ILDR2: variants seen among roughly 807,000 people sequenced by gnomAD.
ILDR2 encodes immunoglobulin-like domain-containing receptor 2.
A neutral mutation model predicts 66.8 loss-of-function variants in ILDR2; 25 were observed. The ratio of observed to expected loss-of-function variants is 0.37; its 90% CI spans 0.27 to 0.52. The LOEUF (loss-of-function observed/expected upper bound fraction) is 0.52. Among genes scored for constraint, ILDR2 ranks in the 20% least tolerant of loss-of-function variants. The pLI is 0.88. For synonymous variants in ILDR2, 367 were observed against 357.2 expected, an observed-to-expected ratio of 1.03 and a Z score of -0.31; for missense variants, 827 against 876.8, an observed-to-expected ratio of 0.94 and a Z score of 0.72.
At position 166,917,584 on chromosome 1, in the gene ILDR2, T is replaced by G. The variant is rs1211675070; in HGVS notation, c.*1771A>C. ...CAGGGTGAAAAGCTTTGATAAAAAT[T>G]TGTCAACAATAGTGGAGGCTATGAG... On this transcript the variant is annotated 3_prime_UTR_variant, in exon 10 of 10. Transcript: ENST00000271417. The G allele has an allele frequency of 1.3e-5, 2 of 152,182 alleles. No individual in the cohort carries two copies. The highest frequency in any genetic ancestry group is 4.8e-5 in the African/African-American group (2 of 41,442). The allele number at this position is 152,182 out of a possible 1,614,324, so 9.4% of individuals were successfully genotyped here. A position where few individuals can be genotyped will look rare whatever the true frequency, so the allele number is the denominator to read the frequency against.
chr1:166,901,716 G>C (rs1246841039), intron 2 of ILDR2, among the ~76,000 whole-genome samples: 1 of 152,138 alleles, frequency 6.6e-6, no homozygotes, highest in African/African-American at 2.4e-5. Context: ...GGGCCAGCAG[G>C]GTTTTATTTT....
At chr1:166,969,510 T>C (rs2102027766) in intron 1 of ILDR2, among the ~76,000 whole-genome samples, 1 of 152,366 alleles carries the variant, frequency 6.6e-6, no homozygotes, top group South Asian at 2.1e-4. Context: ...TAGTCCCAGA[T>C]GGGCTCTGAT....
rs1032994052 is a variant in ILDR2, at chr1:166,914,595, T to C, written c.*4760A>G. 38 of 152,230 alleles carry C rather than the reference T, an allele frequency of 2.5e-4. 1 individual carries two copies. Among genetic ancestry groups the C allele is most frequent in the African/African-American group, 8.9e-4 (37 of 41,454 alleles). The allele number at this position is 152,230 out of a possible 1,614,324, so 9.4% of individuals were successfully genotyped here. A position where few individuals can be genotyped will look rare whatever the true frequency, so the allele number is the denominator to read the frequency against. On this transcript the variant is annotated 3_prime_UTR_variant, in exon 10 of 10. Transcript: ENST00000271417. ...ATAAAAATAACACAAATATTATTAG[T>C]ATTAACCTTCTCCCCTTCAAATAGT...
At chr1:166,941,500 A>G (rs955820114) in intron 3 of ILDR2, among the ~76,000 whole-genome samples, 1 of 152,182 alleles carries the variant, frequency 6.6e-6, no homozygotes, top group Admixed American at 6.5e-5. Flanking sequence ...CTCTATAAAA[A>G]TATCTCTCGG....
At chr1:166,960,872 G>A (rs749541628) in intron 1 of ILDR2, among the ~76,000 whole-genome samples, 14 of 152,074 alleles carry the variant, frequency 9.2e-5, no homozygotes, top group East Asian at 3.8e-4. Flanking sequence ...AAATTCTAGC[G>A]CATTAATTTT....
At chr1:166,904,007 G>C (rs908790090), downstream of ILDR2, among the ~76,000 whole-genome samples, 5 of 152,112 alleles carry the variant, frequency 3.3e-5, no homozygotes, top group African/African-American at 1.2e-4. Context: ...GAAATCATTT[G>C]AGTATTTGTG....
At chr1:166,973,535 C>G (rs549408231) in intron 1 of ILDR2, among the ~76,000 whole-genome samples, 2 of 151,192 alleles carry the variant, frequency 1.3e-5, no homozygotes, top group African/African-American at 4.9e-5. Context: ...TTCTCTCACT[C>G]CCTGCAAACC....
intron 1 of ILDR2, 120 bp downstream of exon 1, chr1:166,975,103 C>T (rs1325823868): frequency 8.8e-6 from 7 of 798,586 alleles, no homozygotes; most frequent in Admixed American, 7.5e-5. Flanking sequence ...TCCACCAGAC[C>T]GCTAAGCAGC....
intron 3 of ILDR2, among the ~76,000 whole-genome samples, chr1:166,952,922 T>C (rs571638982): frequency 6.6e-6 from 1 of 152,174 alleles, no homozygotes; most frequent in South Asian, 2.1e-4. Flanking sequence ...GACATCACTT[T>C]TTTCATTTGG....
chr1:166,926,301 A>G (rs920749857), intron 7 of ILDR2, among the ~76,000 whole-genome samples: 3 of 152,050 alleles, frequency 2.0e-5, no homozygotes, highest in Admixed American at 6.5e-5. Flanking sequence ...CCCATGATAC[A>G]TAAGTTGGAA....
At chr1:166,960,668 C>A (rs1359913770) in intron 1 of ILDR2, among the ~76,000 whole-genome samples, 1 of 152,100 alleles carries the variant, frequency 6.6e-6, no homozygotes, top group African/African-American at 2.4e-5. Context: ...CCATACATCA[C>A]CACCAGGCTT....
intron 7 of ILDR2, among the ~76,000 whole-genome samples, chr1:166,924,108 C>T (rs776291955): frequency 6.6e-6 from 1 of 152,130 alleles, no homozygotes; most frequent in Non-Finnish European, 1.5e-5. Context: ...AGGGGCAGAG[C>T]GTTTACCACG....
intron 2 of ILDR2, 142 bp downstream of exon 2, chr1:166,957,627 A>C: frequency 1.4e-6 from 1 of 699,576 alleles, no homozygotes; most frequent in Non-Finnish European, 2.3e-6. Context: ...AGGTCTCTTG[A>C]TGCTCCCATT....
In ILDR2 at chr1:166,914,523, G is replaced by C. The variant is rs1020683256; in HGVS notation, c.*4832C>G. 11 of 152,242 alleles carry C rather than the reference G, an allele frequency of 7.2e-5. No homozygotes were observed. The highest frequency in any genetic ancestry group is 5.2e-4 in the Admixed American group (8 of 15,282). 9.4% of individuals were successfully genotyped at this position (152,242 alleles called of 1,614,324 possible). On this transcript the variant is annotated 3_prime_UTR_variant, in exon 10 of 10. Transcript: ENST00000271417. ...CATCTGCCCTGCCTCTATCACAGCA[G>C]TTGATGTTGGGATCAAATGAAAGTG...
intron 3 of ILDR2, among the ~76,000 whole-genome samples, chr1:166,945,515 T>C (rs1661565836): frequency 6.6e-6 from 1 of 152,238 alleles, no homozygotes; most frequent in Non-Finnish European, 1.5e-5. Flanking sequence ...TCCTAGGGTA[T>C]TTTTGAGGAA....
At chr1:166,955,626 T>G (rs1022947764) in intron 3 of ILDR2, among the ~76,000 whole-genome samples, 2 of 152,098 alleles carry the variant, frequency 1.3e-5, no homozygotes, top group African/African-American at 2.4e-5. Context: ...AATAAAATAA[T>G]TTTTAAAAAT....
intron 3 of ILDR2, 60 bp from the exon 4 acceptor site, chr1:166,939,630 TA>T: frequency 6.8e-7 from 1 of 1,476,364 alleles, no homozygotes; most frequent in East Asian, 2.3e-5. Context: ...AAACATAGCC[TA>T]AAGCCTGGCT....
chr1:166,934,390 C>T (rs1330820341), intron 6 of ILDR2, among the ~76,000 whole-genome samples: 4 of 152,198 alleles, frequency 2.6e-5, no homozygotes, highest in African/African-American at 9.6e-5. Context: ...ATTTCTTTCA[C>T]AGTGTCTCTC....
intron 3 of ILDR2, among the ~76,000 whole-genome samples, chr1:166,944,688 T>C (rs1661513116): frequency 6.6e-6 from 1 of 152,208 alleles, no homozygotes; most frequent in Non-Finnish European, 1.5e-5. Flanking sequence ...CTTTCTTTGC[T>C]CAGATAAGCA....
Sources: allele counts gnomAD v4.1 joint callset (sites outside exome capture counted in the v4.1 genomes callset), GRCh38; gene constraint gnomAD v4.1.1; transcripts MANE v1.5; gene names NCBI Gene and HGNC (gene_info 2026-07-23, HGNC 2026-07-21).